DCAF10: variants seen among roughly 807,000 people sequenced by gnomAD.
The protein encoded by DCAF10 is DDB1 and CUL4 associated factor 10.
A neutral mutation model predicts 51.9 loss-of-function variants in DCAF10; 19 were observed. The observed-to-expected ratio is 0.37, with a 90% CI of 0.26 to 0.54. The LOEUF is 0.54. Among genes scored for constraint, DCAF10 ranks in the 20% least tolerant of loss-of-function variants. The probability of loss-of-function intolerance (pLI) is 0.87; values close to 1 mark genes in which losing one functional copy is unlikely to be tolerated. For missense variants in DCAF10, 510 were observed against 730.6 expected, an observed-to-expected ratio of 0.70 and a Z score of 3.48; for synonymous variants, 291 against 297.1, an observed-to-expected ratio of 0.98 and a Z score of 0.21.
intron 3 of DCAF10, among the ~76,000 whole-genome samples, chr9:37,848,959 C>T (rs1370429417): frequency 7.2e-6 from 1 of 137,944 alleles, no homozygotes; most frequent in Admixed American, 7.7e-5. Context: ...GGCGACACAG[C>T]GAGACTCTGT....
intron 1 of DCAF10, among the ~76,000 whole-genome samples, chr9:37,816,659 G>GGTGTGTGTGTGTGT (rs1554685707): frequency 1.1e-3 from 166 of 144,972 alleles, no homozygotes; most frequent in African/African-American, 4.0e-3. Context: ...CTGCACCTGG[G>GGTGTGTGTGTGTGT]GTGTGTGTGT....
chr9:37,842,431 T>C lies in DCAF10; in HGVS notation c.851+145T>C, dbSNP rs1830361188. 1.3e-5 allele frequency: 10 copies of C among 787,694 alleles called. No homozygotes were observed. The Admixed American group carries it at 1.4e-4, about 11-fold the overall frequency. 48.8% of individuals were successfully genotyped at this position (787,694 alleles called of 1,614,324 possible). A position where few individuals can be genotyped will look rare whatever the true frequency, so the allele number is the denominator to read the frequency against. On this transcript the variant is annotated intron_variant, in intron 3 of 6. Coordinates refer to ENST00000377724, the MANE Select transcript of DCAF10 (RefSeq NM_024345.5). ...AAAAAGTGATGATATATTTTGTTAA[T>C]TGTACCTAGTCATATATTGCAACTA...
chr9:37,808,976 C>T (rs1829246678), intron 1 of DCAF10, among the ~76,000 whole-genome samples: 1 of 149,468 alleles, frequency 6.7e-6, no homozygotes, highest in African/African-American at 2.5e-5. Flanking sequence ...GGTGTGGTGG[C>T]ATGTGCCTGT....
At chr9:37,860,362 TATC>T in intron 6 of DCAF10, 169 bp downstream of exon 6, 1 of 838,364 alleles carries the variant, frequency 1.2e-6, no homozygotes, top group South Asian at 2.0e-5. Flanking sequence ...CTTCATATGG[TATC>T]ATTATCCCTT....
Position 37,800,962 on chromosome 9 carries a change from C to G in DCAF10, c.96C>G (p.Thr32=), listed in dbSNP as rs942143789. The G allele has an allele frequency of 6.6e-7, 1 of 1,505,722 alleles. No homozygotes were observed. The highest frequency in any genetic ancestry group is 8.8e-7 in the Non-Finnish European group (1 of 1,135,234). The allele number at this position is 1,505,722 out of a possible 1,614,324, so 93.3% of individuals were successfully genotyped here. ...PTPHEGQAAA[T]GPPSPLHPGA... is the part of the protein sequence containing the mutation. ...CCCACGAGGGGCAGGCAGCAGCCAC[C>G]GGGCCGCCCTCGCCACTACATCCCG... The change falls in exon 1 of 7, where the codon ACC becomes ACG. Residue 32 remains threonine, a synonymous_variant. Coordinates refer to ENST00000377724, the MANE Select transcript of DCAF10 (RefSeq NM_024345.5).
intron 4 of DCAF10, among the ~76,000 whole-genome samples, 180 bp downstream of exon 4, chr9:37,855,162 C>G (rs569767182): frequency 6.6e-6 from 1 of 152,294 alleles, no homozygotes; most frequent in East Asian, 1.9e-4. Context: ...GTATGTATCT[C>G]TGACATATCA....
chr9:37,861,679 C>A lies in DCAF10; in HGVS notation c.*171C>A. On this transcript the variant is annotated 3_prime_UTR_variant, in exon 7 of 7. Transcript: ENST00000377724. The surrounding 1 kb of genome is among the most constrained non-coding windows in gnomAD (Gnocchi z 4.9). ...TAGTACTTGGTCATCCAGCATCATA[C>A]AGGCATCTCCAAGTTAGACTCTATG... 1 of 858,210 alleles carries A rather than the reference C, an allele frequency of 1.2e-6. No homozygotes were observed. The highest frequency in any genetic ancestry group is 2.7e-5 in the East Asian group (1 of 37,136). The allele number at this position is 858,210 out of a possible 1,614,324, so 53.2% of individuals were successfully genotyped here.
At position 37,864,595 on chromosome 9, in the gene DCAF10, A is replaced by AG. The variant is rs946148444; in HGVS notation, c.*3087_*3088insG. 4.0e-5 allele frequency: 6 copies of AG among 148,820 alleles called. No individual in the cohort carries two copies. The highest frequency in any genetic ancestry group is 1.5e-4 in the African/African-American group (6 of 39,960). The allele number at this position is 148,820 out of a possible 1,614,324, so 9.2% of individuals were successfully genotyped here. On this transcript the variant is annotated 3_prime_UTR_variant, in exon 7 of 7. Coordinates refer to ENST00000377724, the MANE Select transcript of DCAF10 (RefSeq NM_024345.5). ...CGAGACTCTGCCTCAAAAAAAAAAA[A>AG]AAAAATAAAATAAAATAAAATTAGT...
chr9:37,800,642 A>G, upstream of DCAF10: 1 of 1,536,088 alleles, frequency 6.5e-7, no homozygotes, highest in Non-Finnish European at 8.7e-7. Context: ...TCAGTCGCTC[A>G]CACAGGTAAC....
intron 3 of DCAF10, among the ~76,000 whole-genome samples, chr9:37,848,240 AACAT>A (rs1314112761): frequency 7.9e-5 from 12 of 152,254 alleles, no homozygotes; most frequent in Non-Finnish European, 2.9e-5. Context: ...AAGAGAAATG[AACAT>A]ATATGGCCAC....
upstream of DCAF10, chr9:37,800,719 G>C: frequency 6.5e-7 from 1 of 1,535,414 alleles, no homozygotes; most frequent in Non-Finnish European, 8.7e-7. Context: ...CAGCTTTCCC[G>C]GTCCCCGGCG....
chr9:37,810,405 C>T (rs907760258), intron 1 of DCAF10, among the ~76,000 whole-genome samples: 1 of 152,026 alleles, frequency 6.6e-6, no homozygotes, highest in African/African-American at 2.4e-5. Flanking sequence ...AGACATCTGT[C>T]AATCTCAAAA....
chr9:37,800,808 G>A lies in DCAF10; in HGVS notation c.-59G>A. The A allele has an allele frequency of 6.7e-7, 1 of 1,500,040 alleles. No individual in the cohort carries two copies. 92.9% of individuals were successfully genotyped at this position (1,500,040 alleles called of 1,614,324 possible). On this transcript the variant is annotated 5_prime_UTR_variant, in exon 1 of 7. Transcript: ENST00000377724. ...ACGCCGGAAGTGGCAGCTGAACAGG[G>A]GCACTGAGGTGTCGGCCGGCGGGGC...
Position 37,801,225 on chromosome 9 carries a change from G to T in DCAF10, c.359G>T (p.Gly120Val). 1 of 1,571,350 alleles carries T rather than the reference G, an allele frequency of 6.4e-7. No homozygotes were observed. Among genetic ancestry groups the T allele is most frequent in the East Asian group, 2.4e-5 (1 of 41,294 alleles). Residue 120 changes from glycine to valine, a missense_variant, in exon 1 of 7, where the codon GGC (glycine) becomes GTC (valine). Gly to Val is a moderately radical substitution (Grantham distance 109, BLOSUM62 -3). Transcript: ENST00000377724. This position sits in a 1 kb window ranked among gnomAD's most constrained non-coding sequence, Gnocchi z 5.5. ...HGLGAGLGGP[G>V]ARLFGWLKER... ...CTCGGCGCGGGCCTGGGCGGCCCTG[G>T]CGCTAGGCTGTTCGGGTGGCTGAAA...
intron 2 of DCAF10, among the ~76,000 whole-genome samples, chr9:37,826,878 A>C (rs10121878): frequency 7.4e-5 from 10 of 135,776 alleles, no homozygotes; most frequent in African/African-American, 2.8e-4. Context: ...CAGGCTGGAG[A>C]GCAATGGCGC....
chr9:37,840,016 G>T (rs559968552), intron 2 of DCAF10, among the ~76,000 whole-genome samples: 29 of 152,126 alleles, frequency 1.9e-4, no homozygotes, highest in Non-Finnish European at 4.0e-4. Flanking sequence ...TAAGTATTAT[G>T]ATAGAAGCTC....
At chr9:37,851,565 C>T (rs544955263) in intron 3 of DCAF10, among the ~76,000 whole-genome samples, 3 of 151,546 alleles carry the variant, frequency 2.0e-5, no homozygotes, top group East Asian at 2.0e-4. Context: ...GAGGCCGAGG[C>T]GGGTGGATCA....
chr9:37,843,010 G>A (rs1268192465), intron 3 of DCAF10, among the ~76,000 whole-genome samples: 1 of 152,126 alleles, frequency 6.6e-6, no homozygotes, highest in Non-Finnish European at 1.5e-5. Flanking sequence ...TCATTTCTGT[G>A]TATATTTGTT....
intron 1 of DCAF10, among the ~76,000 whole-genome samples, chr9:37,808,604 TATAAAAATATA>T (rs1829207231): frequency 1.0e-5 from 1 of 97,724 alleles, no homozygotes; most frequent in Non-Finnish European, 1.9e-5. Context: ...TATAATATAA[TATAAAAATATA>T]ATATATTTAT....
Sources: allele counts gnomAD v4.1 joint callset (sites outside exome capture counted in the v4.1 genomes callset), GRCh38; gene constraint gnomAD v4.1.1; non-coding constraint Gnocchi (gnomAD v3.1); transcripts MANE v1.5; gene names NCBI Gene and HGNC (gene_info 2026-07-23, HGNC 2026-07-21).